CMYA5: variants seen among roughly 807,000 people sequenced by gnomAD.
CMYA5 encodes the protein cardiomyopathy-associated protein 5.
CMYA5 carries 246 observed loss-of-function variants against 318.9 expected under a neutral mutation model. The observed-to-expected ratio is 0.77, with a 90% CI of 0.70 to 0.86. CMYA5 has a LOEUF of 0.86. Ranked by LOEUF, CMYA5 falls within the 40% of genes least tolerant of loss-of-function variation. The probability of loss-of-function intolerance (pLI) is 0.00; values close to 1 mark genes in which losing one functional copy is unlikely to be tolerated. For missense variants in CMYA5, 4,589 were observed against 4,678.2 expected (o/e 0.98, Z 0.56); for synonymous variants, 1,641 against 1,729.5 (o/e 0.95, Z 1.27).
At chr5:79,794,558 A>G (rs2151101560) in intron 12 of CMYA5, among the ~76,000 whole-genome samples, 1 of 152,330 alleles carries the variant, frequency 6.6e-6, no homozygotes, top group Non-Finnish European at 1.5e-5. Flanking sequence ...CCCTTTGAGC[A>G]TACCTTAAAT....
Position 79,799,865 on chromosome 5 carries a change from T to G in CMYA5, c.*249T>G. The G allele has an allele frequency of 6.3e-6, 1 of 159,680 alleles. No individual in the cohort carries two copies. The allele number at this position is 159,680 out of a possible 1,614,324, so 9.9% of individuals were successfully genotyped here. On this transcript the variant is annotated 3_prime_UTR_variant, in exon 13 of 13. Coordinates refer to ENST00000446378, the MANE Select transcript of CMYA5 (RefSeq NM_153610.5). ...GTTTATATAAGTTTGAGTTCTTTCC[T>G]AAATTAAAAGATCTACACTTGAGTT...
chr5:79,793,843 T>G (rs563407707), intron 12 of CMYA5, among the ~76,000 whole-genome samples: 3 of 152,280 alleles, frequency 2.0e-5, no homozygotes, highest in African/African-American at 7.2e-5. Flanking sequence ...TATTAAACCC[T>G]ATTATGAGGC....
chr5:79,722,437 G>A (rs1355811661), intron 1 of CMYA5, among the ~76,000 whole-genome samples: 1 of 152,122 alleles, frequency 6.6e-6, no homozygotes, highest in South Asian at 2.1e-4. Flanking sequence ...AGCACTTTGG[G>A]AGACTGAGCT....
At chr5:79,796,088 G>A (rs1829270109) in intron 12 of CMYA5, among the ~76,000 whole-genome samples, 1 of 136,370 alleles carries the variant, frequency 7.3e-6, no homozygotes, top group African/African-American at 2.8e-5. Context: ...TTCCCTACTT[G>A]GCCTCCCAGG....
chr5:79,739,434 AAT>A (rs1159761371), intron 2 of CMYA5, 31 bp downstream of exon 2: 18 of 1,392,136 alleles, frequency 1.3e-5, no homozygotes, highest in Admixed American at 2.9e-5. Context: ...CATAATTAAT[AAT>A]ATATATATAC....
At chr5:79,747,509 T>C (rs959115032) in intron 5 of CMYA5, among the ~76,000 whole-genome samples, 1 of 152,250 alleles carries the variant, frequency 6.6e-6, no homozygotes, top group African/African-American at 2.4e-5. Context: ...TTTAATGAAC[T>C]GTTCTATCAT....
At position 79,729,997 on chromosome 5, in the gene CMYA5, A is replaced by G. The variant is rs564207422; in HGVS notation, c.1232A>G (p.Asp411Gly). 1.9e-6 allele frequency: 3 copies of G among 1,613,968 alleles called. No individual in the cohort carries two copies. The East Asian group carries it at 6.7e-5, about 36-fold the overall frequency. ...CCAGGAACTGCAGCTTCAGAGAATG[A>G]CTCTTCAGTCTCACCATCATTTGCT... is the stretch of plus-strand genomic sequence containing the variant. ...ASPGTAASEN[D>G]SSVSPSFANE... The change falls in exon 2 of 13, where the codon GAC becomes GGC. Residue 411 changes from aspartate (D) to glycine (G), a missense_variant. By Grantham distance (94) the Asp-to-Gly change is moderately conservative. Coordinates refer to ENST00000446378, the MANE Select transcript of CMYA5 (RefSeq NM_153610.5).
In CMYA5 at chr5:79,735,020, T is replaced by A. The variant is rs1404756125; in HGVS notation, c.6255T>A (p.Asn2085Lys). The A allele has an allele frequency of 6.2e-7, 1 of 1,613,378 alleles. No individual in the cohort carries two copies. Among genetic ancestry groups the A allele is most frequent in the African/African-American group, 1.3e-5 (1 of 74,812 alleles). ...PAEGVEPALG[N>K]EKEAHRSTPP... ...AAGGTGTGGAACCTGCATTGGGCAATGAAAAAGAAGCACACAGGAGCACAC... is the reference window on the plus strand; with the variant it reads ...AAGGTGTGGAACCTGCATTGGGCAAAGAAAAAGAAGCACACAGGAGCACAC... Residue 2085 changes from asparagine (N) to lysine (K), a missense_variant, in exon 2 of 13, where the codon AAT becomes AAA. Around this residue, in one of 3 missense-constraint regions of CMYA5, gnomAD observed 2,431 missense variants for 2,495.1 expected, o/e 0.97. Coordinates refer to ENST00000446378, the MANE Select transcript of CMYA5 (RefSeq NM_153610.5).
chr5:79,706,156 C>T (rs1827268962), intron 1 of CMYA5, among the ~76,000 whole-genome samples: 1 of 152,102 alleles, frequency 6.6e-6, no homozygotes, highest in Non-Finnish European at 1.5e-5. Flanking sequence ...TGCCAATGTG[C>T]TGGATATACC....
chr5:79,791,077 G>C lies in CMYA5; in HGVS notation c.11789+8G>C, dbSNP rs768157399. The C allele has an allele frequency of 3.7e-6, 6 of 1,603,448 alleles. No individual in the cohort carries two copies. Among genetic ancestry groups the C allele is most frequent in the Middle Eastern group, 3.4e-4 (2 of 5,970 alleles). On this transcript the variant is annotated splice_region_variant and intron_variant, in intron 11 of 12. Transcript: ENST00000446378. ...GAGGAGACGGCTGACGGAGTAAGTA[G>C]AAGAAGAAAGCACAAGTGGGCTGAT... is the stretch of plus-strand genomic sequence containing the variant.
At chr5:79,788,039 C>A (rs1829111093) in intron 9 of CMYA5, among the ~76,000 whole-genome samples, 1 of 152,094 alleles carries the variant, frequency 6.6e-6, no homozygotes, top group Non-Finnish European at 1.5e-5. Flanking sequence ...AAAAACCCTA[C>A]CCTTCTGAGA....
chr5:79,748,461 T>C (rs938664394), intron 5 of CMYA5, among the ~76,000 whole-genome samples: 1 of 152,090 alleles, frequency 6.6e-6, no homozygotes, highest in African/African-American at 2.4e-5. Context: ...ACCAATCAGG[T>C]CTAGAAACTG....
intron 2 of CMYA5, among the ~76,000 whole-genome samples, chr5:79,740,367 C>T (rs1828187255): frequency 6.6e-6 from 1 of 152,042 alleles, no homozygotes; most frequent in Non-Finnish European, 1.5e-5. Flanking sequence ...ACCAAAAATG[C>T]CAAATAATTT....
At chr5:79,727,502 C>T (rs1204237768) in intron 1 of CMYA5, among the ~76,000 whole-genome samples, 3 of 151,926 alleles carry the variant, frequency 2.0e-5, no homozygotes, top group African/African-American at 4.8e-5. Context: ...ACTTATGTTT[C>T]GTGTTTTTAA....
intron 1 of CMYA5, among the ~76,000 whole-genome samples, chr5:79,720,794 T>G (rs1180408078): frequency 6.6e-6 from 1 of 152,048 alleles, no homozygotes; most frequent in East Asian, 1.9e-4. Context: ...GTAAAAAGAC[T>G]TTTAATGAAA....
chr5:79,763,036 C>T (rs1240928937), intron 8 of CMYA5, 26 bp from the exon 9 acceptor site: 8 of 1,600,824 alleles, frequency 5.0e-6, no homozygotes, highest in East Asian at 2.2e-5. Context: ...CATTGCTCCA[C>T]GACTGTCCTG....
At chr5:79,707,600 A>T (rs1033695358) in intron 1 of CMYA5, among the ~76,000 whole-genome samples, 6 of 152,252 alleles carry the variant, frequency 3.9e-5, no homozygotes, top group African/African-American at 1.4e-4. Context: ...GGTTAATTCA[A>T]CACTGAAAAG....
intron 1 of CMYA5, among the ~76,000 whole-genome samples, chr5:79,723,938 G>C (rs1201852621): frequency 1.3e-5 from 2 of 152,078 alleles, no homozygotes; most frequent in East Asian, 3.9e-4. Flanking sequence ...TTCAAGATTG[G>C]TTTGTTATTT....
Position 79,732,816 on chromosome 5 carries a change from T to TCAAC in CMYA5, c.4052_4053insAACC (p.Ser1352ThrfsTer10). 9.9e-6 allele frequency: 16 copies of TCAAC among 1,613,728 alleles called. No homozygotes were observed. Among genetic ancestry groups the TCAAC allele is most frequent in the Non-Finnish European group, 1.4e-5 (16 of 1,179,824 alleles). Reference sequence around the variant, plus strand: ...AATTAAAAAAGAAATTGAACCCAGTTCCTCAACAACTACAGCATCTGTAAC... The same window carrying TCAAC: ...AATTAAAAAAGAAATTGAACCCAGTTCAACCCTCAACAACTACAGCATCTGTAAC... On this transcript the variant is annotated frameshift_variant, in exon 2 of 13. Coordinates refer to ENST00000446378, the MANE Select transcript of CMYA5 (RefSeq NM_153610.5). LOFTEE classifies it high-confidence loss of function.
Sources: allele counts gnomAD v4.1 joint callset (sites outside exome capture counted in the v4.1 genomes callset), GRCh38; gene constraint gnomAD v4.1.1; regional missense constraint gnomAD v4.1.1; transcripts MANE v1.5; gene names NCBI Gene and HGNC (gene_info 2026-07-23, HGNC 2026-07-21).